CACNB2: variants seen among roughly 807,000 people sequenced by gnomAD.
CACNB2 encodes voltage-dependent L-type calcium channel subunit beta-2.
CACNB2 carries 42 observed loss-of-function variants against 73.3 expected under a neutral mutation model. The ratio of observed to expected loss-of-function variants is 0.57; its 90% CI spans 0.45 to 0.74. CACNB2 has a LOEUF of 0.74. Among genes scored for constraint, CACNB2 ranks in the 30% least tolerant of loss-of-function variants. The pLI, the probability that CACNB2 is intolerant of heterozygous loss-of-function variation, is 0.00. For synonymous variants in CACNB2, 348 were observed against 310.3 expected (o/e 1.12, Z -1.28); for missense variants, 940 against 853.0 (o/e 1.10, Z -1.27).
At chr10:18,481,994 A>G (rs2048804605) in intron 3 of CACNB2, among the ~76,000 whole-genome samples, 1 of 152,110 alleles carries the variant, frequency 6.6e-6, no homozygotes, top group Admixed American at 6.5e-5. Context: ...GGTTCAAGCA[A>G]TTCTCTTGCC....
At chr10:18,253,720 TCC>T (rs2037175521) in intron 2 of CACNB2, among the ~76,000 whole-genome samples, 1 of 152,148 alleles carries the variant, frequency 6.6e-6, no homozygotes, top group African/African-American at 2.4e-5. Context: ...CTTCCTCCAC[TCC>T]CTGTAATAAA....
intron 2 of CACNB2, among the ~76,000 whole-genome samples, chr10:18,186,400 C>T (rs1342103195): frequency 6.7e-6 from 1 of 148,572 alleles, no homozygotes; most frequent in Non-Finnish European, 1.5e-5. Flanking sequence ...GCCTGGGCAA[C>T]AAGAGTGAAA....
chr10:18,313,595 T>G (rs2040044040), intron 2 of CACNB2, among the ~76,000 whole-genome samples: 1 of 152,126 alleles, frequency 6.6e-6, no homozygotes, highest in Admixed American at 6.5e-5. Context: ...CAACACTTCC[T>G]TTTCCTCCCC....
At chr10:18,396,166 C>CG (rs1295528370) in intron 2 of CACNB2, among the ~76,000 whole-genome samples, 1 of 151,558 alleles carries the variant, frequency 6.6e-6, no homozygotes, top group Non-Finnish European at 1.5e-5. Context: ...CATGTTGCCC[C>CG]GGCTGGTCTT....
At chr10:18,517,755 T>C (rs1383290158) in intron 7 of CACNB2, among the ~76,000 whole-genome samples, 1 of 152,198 alleles carries the variant, frequency 6.6e-6, no homozygotes, top group African/African-American at 2.4e-5. Flanking sequence ...GCATGTTCAT[T>C]TAAACTCTCA....
chr10:18,421,823 C>T (rs2045339619), intron 3 of CACNB2, among the ~76,000 whole-genome samples: 1 of 152,092 alleles, frequency 6.6e-6, no homozygotes, highest in African/African-American at 2.4e-5. Flanking sequence ...AGCCTTTTTC[C>T]TTTTAGAGTG....
chr10:18,407,314 G>A (rs2044352850), intron 3 of CACNB2, among the ~76,000 whole-genome samples: 1 of 151,282 alleles, frequency 6.6e-6, no homozygotes, highest in Non-Finnish European at 1.5e-5. Context: ...TAGAGACAGG[G>A]TTTCTCCATG....
chr10:18,149,721 T>C (rs2031336934), intron 1 of CACNB2, among the ~76,000 whole-genome samples: 2 of 152,174 alleles, frequency 1.3e-5, no homozygotes, highest in African/African-American at 2.4e-5. Context: ...ATGTTGTAAA[T>C]TTTGATAATC....
chr10:18,194,813 A>G (rs560689408), intron 2 of CACNB2, among the ~76,000 whole-genome samples: 6 of 152,266 alleles, frequency 3.9e-5, no homozygotes, highest in Admixed American at 2.0e-4. Context: ...CATTCCTACA[A>G]TTATGTTTTT....
chr10:18,313,080 C>T (rs1377133478), intron 2 of CACNB2, among the ~76,000 whole-genome samples: 1 of 152,066 alleles, frequency 6.6e-6, no homozygotes, highest in Non-Finnish European at 1.5e-5. Flanking sequence ...TGACTGTGAT[C>T]ATTTTTTATA....
At chr10:18,451,386 G>C (rs1589397141) in intron 3 of CACNB2, among the ~76,000 whole-genome samples, 1 of 152,134 alleles carries the variant, frequency 6.6e-6, no homozygotes, top group African/African-American at 2.4e-5. Flanking sequence ...CCTCCCACCT[G>C]GCCCCTGCTC....
At chr10:18,470,893 G>A (rs2048153439) in intron 3 of CACNB2, among the ~76,000 whole-genome samples, 1 of 152,190 alleles carries the variant, frequency 6.6e-6, no homozygotes, top group Non-Finnish European at 1.5e-5. Flanking sequence ...CAAGGGGAAA[G>A]GGTATGAATG....
intron 2 of CACNB2, among the ~76,000 whole-genome samples, chr10:18,177,098 G>A (rs1023177905): frequency 6.6e-6 from 1 of 152,090 alleles, no homozygotes; most frequent in African/African-American, 2.4e-5. Flanking sequence ...AAGACATTTA[G>A]CAAGGAGAAC....
At chr10:18,268,585 G>C (rs1386037973) in intron 2 of CACNB2, among the ~76,000 whole-genome samples, 1 of 152,172 alleles carries the variant, frequency 6.6e-6, no homozygotes, top group Non-Finnish European at 1.5e-5. Context: ...ATTGGTGTTT[G>C]CATGAGTAGA....
At position 18,472,126 on chromosome 10, in the gene CACNB2, T is replaced by C. The variant is rs115917980; in HGVS notation, c.334-26229T>C. ...TTTCAGTTTCTCTTCCCGGCTTTGC[T>C]TTCTTTTCTGCTTGTCTTGAGCCCC... On this transcript the variant is annotated intron_variant, in intron 3 of 13. Coordinates refer to ENST00000324631, the MANE Select transcript of CACNB2 (RefSeq NM_201596.3). Among the ~76,000 whole-genome samples, 676 of 152,202 alleles carry C rather than the reference T, an allele frequency of 4.4e-3. 9 individuals are homozygous for C. Among genetic ancestry groups the C allele is most frequent in the African/African-American group, 0.016 (648 of 41,526 alleles).
intron 2 of CACNB2, among the ~76,000 whole-genome samples, chr10:18,266,510 A>G (rs2037807496): frequency 6.8e-6 from 1 of 148,148 alleles, no homozygotes; most frequent in Non-Finnish European, 1.5e-5. Context: ...GAATGTAGGT[A>G]GTATAGTTTT....
chr10:18,418,784 C>T (rs1414581482), intron 3 of CACNB2, among the ~76,000 whole-genome samples: 1 of 152,162 alleles, frequency 6.6e-6, no homozygotes, highest in Non-Finnish European at 1.5e-5. Flanking sequence ...ATATTTGACA[C>T]CAGTATCATG....
At chr10:18,366,902 G>T (rs142647022) in intron 2 of CACNB2, among the ~76,000 whole-genome samples, 27 of 152,270 alleles carry the variant, frequency 1.8e-4, no homozygotes, top group African/African-American at 6.3e-4. Context: ...GTGTCTGAGA[G>T]CCTATTTTAA....
intron 3 of CACNB2, among the ~76,000 whole-genome samples, chr10:18,481,834 T>A (rs933375392): frequency 6.6e-6 from 1 of 152,200 alleles, no homozygotes; most frequent in Non-Finnish European, 1.5e-5. Flanking sequence ...GCTACAGATA[T>A]GGACAGCCAT....
Sources: gnomAD v4.1 joint callset for allele counts (sites outside exome capture counted in the v4.1 genomes callset) on GRCh38, gnomAD v4.1.1 for gene constraint, MANE v1.5 for transcripts, NCBI Gene and HGNC (gene_info 2026-07-23, HGNC 2026-07-21) for gene names.